BCL2L13: variants seen among roughly 807,000 people sequenced by gnomAD.
The protein encoded by BCL2L13 is bcl-2-like protein 13.
Under a neutral mutation model 25.8 loss-of-function variants are expected in BCL2L13, and 13 were observed. The observed-to-expected ratio is 0.50, with a 90% CI of 0.33 to 0.80. BCL2L13 has a LOEUF of 0.80. Among genes scored for constraint, BCL2L13 ranks in the 30% least tolerant of loss-of-function variants. The pLI is 0.02. For synonymous variants in BCL2L13, 244 were observed against 230.3 expected (o/e 1.06, Z -0.54); for missense variants, 504 against 574.9 (o/e 0.88, Z 1.26).
At chr22:17,674,701 A>G (rs181704398) in intron 2 of BCL2L13, among the ~76,000 whole-genome samples, 230 of 151,902 alleles carry the variant, frequency 1.5e-3, no homozygotes, top group African/African-American at 5.3e-3. Flanking sequence ...ATAGCACACT[A>G]TGGCCTCAAA....
At chr22:17,687,426 T>G (rs1019793486) in intron 3 of BCL2L13, among the ~76,000 whole-genome samples, 1 of 152,102 alleles carries the variant, frequency 6.6e-6, no homozygotes, top group Non-Finnish European at 1.5e-5. Flanking sequence ...ACTGCAGTCT[T>G]GACTTCCTGG....
chr22:17,644,481 G>A (rs1466427336), intron 1 of BCL2L13, among the ~76,000 whole-genome samples: 1 of 150,460 alleles, frequency 6.6e-6, no homozygotes, highest in African/African-American at 2.5e-5. Context: ...ACAAGTGCGT[G>A]CCACCACGCC....
At chr22:17,628,900 C>G, upstream of BCL2L13, 2 of 534,668 alleles carry the variant, frequency 3.7e-6, no homozygotes, top group East Asian at 3.0e-5. Flanking sequence ...GACTCGTGAC[C>G]TGACCGGTAT....
intron 5 of BCL2L13, among the ~76,000 whole-genome samples, chr22:17,701,707 C>T (rs998625127): frequency 2.0e-5 from 3 of 152,122 alleles, no homozygotes; most frequent in Admixed American, 6.6e-5. Context: ...GGGCAGATCA[C>T]TTGAGGCCAG....
Position 17,684,798 on chromosome 22 carries a change from T to C in BCL2L13, c.229+1477T>C, listed in dbSNP as rs1489490198. 1.7e-5 allele frequency: 6 copies of C among 344,552 alleles called. No individual in the cohort carries two copies. In the Admixed American group the frequency reaches 2.3e-4, roughly 13 times the overall value. The allele number at this position is 344,552 out of a possible 1,614,324, so 21.3% of individuals were successfully genotyped here. On this transcript the variant is annotated intron_variant, in intron 3 of 6. Transcript: ENST00000317582. ...CCCAGGCTGGAGTGCGGTGGCGGGA[T>C]CTTGGCTCACTGCAAGCTCCGCCTC...
rs1381220605 is a variant in BCL2L13, at chr22:17,698,555, T to TAAAA, written c.456+2345_456+2346insAAAA. ...GGGCAACATAGCAAGACCCTGTCTC[T>TAAAA]TAAAAAAAAAAAAAAAAAAAAAGCC... On this transcript the variant is annotated intron_variant, in intron 5 of 6. Coordinates refer to ENST00000317582, the MANE Select transcript of BCL2L13 (RefSeq NM_015367.4). Among the ~76,000 whole-genome samples, 35 of 97,686 alleles carry TAAAA rather than the reference T, an allele frequency of 3.6e-4. 7 individuals are homozygous for TAAAA. The highest frequency in any genetic ancestry group is 3.9e-4 in the Non-Finnish European group (21 of 53,330). 64.1% of individuals were successfully genotyped at this position (97,686 alleles called of 152,430 possible).
intron 1 of BCL2L13, among the ~76,000 whole-genome samples, chr22:17,629,756 C>T (rs1306478039): frequency 6.6e-6 from 1 of 151,644 alleles, no homozygotes; most frequent in Non-Finnish European, 1.5e-5. Flanking sequence ...CATTGACCTC[C>T]CTTCACCTAG....
At chr22:17,722,291 C>G (rs2061160939) in intron 6 of BCL2L13, among the ~76,000 whole-genome samples, 2 of 151,788 alleles carry the variant, frequency 1.3e-5, no homozygotes. Context: ...TACAGTGGCA[C>G]GATCATAGCT....
chr22:17,631,662 GTGTGTGTGTATATATATATATATATATA>G (rs1301440432), intron 1 of BCL2L13, among the ~76,000 whole-genome samples: 1,022 of 32,120 alleles, frequency 0.032, 37 homozygotes, highest in Middle Eastern at 0.058. Context: ...GTATGTATGT[GTGTGTGTGTATATATATATATATATATA>G]TATATATATA....
At chr22:17,667,799 G>A (rs569518626) in intron 2 of BCL2L13, among the ~76,000 whole-genome samples, 5 of 152,210 alleles carry the variant, frequency 3.3e-5, no homozygotes, top group African/African-American at 7.2e-5. Context: ...GTGAGCCACC[G>A]CGGGCAGTTG....
chr22:17,672,626 C>G (rs1308606275), intron 2 of BCL2L13, among the ~76,000 whole-genome samples: 1 of 152,218 alleles, frequency 6.6e-6, no homozygotes, highest in Non-Finnish European at 1.5e-5. Context: ...CTCTGTGTCA[C>G]TGGTCAGCTA....
intron 1 of BCL2L13, among the ~76,000 whole-genome samples, chr22:17,630,964 AC>A (rs1373614381): frequency 6.6e-6 from 1 of 151,776 alleles, no homozygotes; most frequent in Non-Finnish European, 1.5e-5. Context: ...AACCTTTATA[AC>A]CTGGATTGGA....
intron 6 of BCL2L13, among the ~76,000 whole-genome samples, chr22:17,718,103 A>T (rs1395518574): frequency 1.3e-5 from 2 of 152,058 alleles, no homozygotes; most frequent in Admixed American, 1.3e-4. Context: ...AAGAGAAGAG[A>T]AAAGAAAAGA....
intron 2 of BCL2L13, among the ~76,000 whole-genome samples, chr22:17,659,358 C>T (rs1258866706): frequency 2.8e-5 from 4 of 144,876 alleles, no homozygotes; most frequent in East Asian, 3.9e-4. Context: ...AGCGAGACTT[C>T]GTCTCAAAAA....
At chr22:17,682,041 T>A (rs190641506) in intron 2 of BCL2L13, among the ~76,000 whole-genome samples, 1 of 152,366 alleles carries the variant, frequency 6.6e-6, no homozygotes, top group East Asian at 1.9e-4. Context: ...GCCATTATTG[T>A]GTATTGTTAT....
intron 6 of BCL2L13, among the ~76,000 whole-genome samples, chr22:17,726,060 G>A (rs772078338): frequency 4.6e-5 from 7 of 151,950 alleles, no homozygotes; most frequent in African/African-American, 9.7e-5. Flanking sequence ...AAAAAGTTTC[G>A]GATTTTGGGC....
At chr22:17,693,366 GTGTTTGTTTT>G (rs1568981663) in intron 4 of BCL2L13, among the ~76,000 whole-genome samples, 1 of 58,642 alleles carries the variant, frequency 1.7e-5, no homozygotes, top group African/African-American at 7.4e-5. Flanking sequence ...TATTTATTTA[GTGTTTGTTTT>G]TTTTTTTTTT....
chr22:17,709,296 C>G (rs1480486081), intron 6 of BCL2L13, among the ~76,000 whole-genome samples: 1 of 151,324 alleles, frequency 6.6e-6, no homozygotes, highest in Non-Finnish European at 1.5e-5. Context: ...AACCCTGTCT[C>G]AAAAATATAA....
intron 6 of BCL2L13, among the ~76,000 whole-genome samples, chr22:17,710,521 G>A (rs572996363): frequency 1.3e-5 from 2 of 151,572 alleles, no homozygotes; most frequent in East Asian, 1.9e-4. Context: ...CGGAGGTTGC[G>A]GTGAGCTGAG....
Sources: gnomAD v4.1 joint callset for allele counts (sites outside exome capture counted in the v4.1 genomes callset) on GRCh38, gnomAD v4.1.1 for gene constraint, MANE v1.5 for transcripts, NCBI Gene and HGNC (gene_info 2026-07-23, HGNC 2026-07-21) for gene names.